The following ZP3 variants were observed in gnomAD, a reference collection of about 807,000 sequenced individuals.
ZP3 encodes zona pellucida sperm-binding protein 3.
A neutral mutation model predicts 35.6 loss-of-function variants in ZP3; 21 were observed. The ratio of observed to expected loss-of-function variants is 0.59; its 90% CI spans 0.42 to 0.85. ZP3 has a LOEUF of 0.85. Among genes scored for constraint, ZP3 ranks in the 40% least tolerant of loss-of-function variants. The pLI is 0.00. For synonymous variants in ZP3, 207 were observed against 214.5 expected, an observed-to-expected ratio of 0.96 and a Z score of 0.31; for missense variants, 437 against 536.5, an observed-to-expected ratio of 0.81 and a Z score of 1.83.
chr7:76,422,443 C>G (rs1309004436), upstream of ZP3, among the ~76,000 whole-genome samples: 1 of 151,916 alleles, frequency 6.6e-6, no homozygotes. Flanking sequence ...CTTTGGGAGG[C>G]TGAGGCAGGC....
chr7:76,405,320 T>TC (rs1563687053), intron 1 of ZP3, among the ~76,000 whole-genome samples: 28 of 52,960 alleles, frequency 5.3e-4, no homozygotes, highest in African/African-American at 1.1e-3. Context: ...TATATATGTA[T>TC]TTTTTTCTTT....
Position 76,398,307 on chromosome 7 carries a change from C to CT in ZP3, c.-67+511dup, listed in dbSNP as rs1309414426. Among the ~76,000 whole-genome samples, 446 of 132,794 alleles carry CT rather than the reference C, an allele frequency of 3.4e-3. 1 individual carries two copies. The highest frequency in any genetic ancestry group is 5.4e-3 in the Non-Finnish European group (335 of 61,750). 87.1% of individuals were successfully genotyped at this position (132,794 alleles called of 152,430 possible). A position where few individuals can be genotyped will look rare whatever the true frequency, so the allele number is the denominator to read the frequency against. On this transcript the variant is annotated intron_variant, in intron 1 of 8. Coordinates refer to the ZP3 transcript ENST00000336517. ...TCCAGTCTCACCGCCCATTCATTTT[C>CT]TATTTTTTTTTTTTTTTTTTGAGAC...
At chr7:76,404,652 C>T (rs1584032071) in intron 1 of ZP3, 8 of 641,908 alleles carry the variant, frequency 1.2e-5, no homozygotes, top group East Asian at 6.0e-5. Flanking sequence ...AAAATGAGGC[C>T]GGGTGTGGTG....
At chr7:76,405,321 T>G (rs1384087627) in intron 1 of ZP3, among the ~76,000 whole-genome samples, 6 of 43,210 alleles carry the variant, frequency 1.4e-4, no homozygotes, top group East Asian at 8.2e-4. Context: ...ATATATGTAT[T>G]TTTTTCTTTC....
rs567724230 is a variant in ZP3, at chr7:76,408,068, C to G, written c.-67+10271C>G. 1.1e-4 allele frequency among the ~76,000 whole-genome samples: 16 copies of G among 152,296 alleles called. No homozygotes were observed. In the East Asian group the frequency reaches 2.9e-3, roughly 28 times the overall value. On this transcript the variant is annotated intron_variant, in intron 1 of 8. Coordinates refer to the ZP3 transcript ENST00000336517. ...AGCATCCATTTGGCTCCCAGCCACC[C>G]TGATGGGGACTTTGTAGGAGGCGGC... is the stretch of plus-strand genomic sequence containing the variant.
intron 1 of ZP3, among the ~76,000 whole-genome samples, chr7:76,415,412 A>G (rs1341873970): frequency 7.7e-6 from 1 of 130,134 alleles, no homozygotes; most frequent in Non-Finnish European, 1.5e-5. Context: ...ACTATTAACT[A>G]TGACAACTAT....
intron 1 of ZP3, among the ~76,000 whole-genome samples, chr7:76,426,175 C>T (rs1024162002): frequency 6.6e-6 from 1 of 152,022 alleles, no homozygotes; most frequent in Non-Finnish European, 1.5e-5. Context: ...TCAGTGGGTC[C>T]CTGGGGGCAG....
chr7:76,438,686 C>T (rs1404225907), intron 5 of ZP3, among the ~76,000 whole-genome samples: 5 of 146,232 alleles, frequency 3.4e-5, no homozygotes, highest in South Asian at 2.2e-4. Flanking sequence ...GTAAACGTTT[C>T]CCAGAGGCCA....
At chr7:76,411,556 G>C (rs1166572929) in intron 1 of ZP3, among the ~76,000 whole-genome samples, 1 of 151,922 alleles carries the variant, frequency 6.6e-6, no homozygotes, top group African/African-American at 2.4e-5. Flanking sequence ...GTGACAGAGA[G>C]AGACCCTGTT....
chr7:76,426,073 A>G (rs1277841352), intron 1 of ZP3, among the ~76,000 whole-genome samples: 11 of 136,200 alleles, frequency 8.1e-5, no homozygotes, highest in Non-Finnish European at 1.6e-4. Context: ...ACAGAGCGAG[A>G]CTCTGGCTCA....
In ZP3 at chr7:76,415,364, C is replaced by CAAAAAAAAAAAAA. The variant is rs528001072; in HGVS notation, c.-66-9685_-66-9673dup. Among the ~76,000 whole-genome samples the CAAAAAAAAAAAAA allele has an allele frequency of 1.7e-3, 110 of 63,498 alleles. 23 individuals carry two copies. Among genetic ancestry groups the CAAAAAAAAAAAAA allele is most frequent in the African/African-American group, 6.9e-3 (86 of 12,378 alleles). The allele number at this position is 63,498 out of a possible 152,430, so 41.7% of individuals were successfully genotyped here. A position where few individuals can be genotyped will look rare whatever the true frequency, so the allele number is the denominator to read the frequency against. ...CTGGCGATAGAGTGAGACTCCGTCTCAAAAAAAAAAAAAAAGGTCTGGAAT... is the reference window on the plus strand; with the variant it reads ...CTGGCGATAGAGTGAGACTCCGTCTCAAAAAAAAAAAAAAAAAAAAAAAAAAAAGGTCTGGAAT... On this transcript the variant is annotated intron_variant, in intron 1 of 8. Transcript: ENST00000336517.
rs370332422 is a variant in ZP3, at chr7:76,399,061, G to A, written c.-67+1264G>A. 1.2e-4 allele frequency among the ~76,000 whole-genome samples: 18 copies of A among 152,162 alleles called. 1 individual carries two copies. The South Asian group carries it at 3.7e-3, about 32-fold the overall frequency. On this transcript the variant is annotated intron_variant, in intron 1 of 8. Coordinates refer to the ZP3 transcript ENST00000336517. The stretch of plus-strand genomic sequence containing the variant: ...GAGTCTTGCTCTGTCGCTCAGGCTG[G>A]AGTGCAATGGTGCAATCTCAGCTTG...
chr7:76,425,036 C>A lies in ZP3; in HGVS notation c.72C>A (p.Pro24=). 1 of 1,601,588 alleles carries A rather than the reference C, an allele frequency of 6.2e-7. No individual in the cohort carries two copies. The highest frequency in any genetic ancestry group is 8.5e-7 in the Non-Finnish European group (1 of 1,174,506). Residue 24 remains proline, a synonymous_variant, in exon 1 of 8, where the codon CCC becomes CCA. Coordinates refer to ENST00000394857, the MANE Select transcript of ZP3 (RefSeq NM_001110354.2). Reference sequence around the variant, plus strand: ...GTACTGAGCTGTGCTACCCCCAACCCCTCTGGCTCTTGCAGGGTGGAGCCA... The same window carrying A: ...GTACTGAGCTGTGCTACCCCCAACCACTCTGGCTCTTGCAGGGTGGAGCCA... ...WGSTELCYPQ[P]LWLLQGGASH... is the part of the protein sequence containing the mutation.
At chr7:76,406,024 C>T (rs1805017163) in intron 1 of ZP3, among the ~76,000 whole-genome samples, 2 of 151,116 alleles carry the variant, frequency 1.3e-5, no homozygotes, top group South Asian at 2.1e-4. Context: ...CTCGCTCTGT[C>T]GTCCAGGCTG....
exon 1 of ZP3, chr7:76,397,572 C>A (rs1466678035): frequency 6.2e-7 from 1 of 1,608,098 alleles, no homozygotes; most frequent in Non-Finnish European, 8.5e-7. Flanking sequence ...ACACCCCAGC[C>A]CAGGCTCTGG....
In ZP3 at chr7:76,405,274, TATATATATATA is replaced by T. The variant is rs1563686785; in HGVS notation, c.-67+7478_-67+7488del. ...GTGCATCACCACACCCAGCTAATTATATATATATATATATATATATATATATATATATATAT... is the reference window on the plus strand; with the variant it reads ...GTGCATCACCACACCCAGCTAATTATTATATATATATATATATATATATAT... On this transcript the variant is annotated intron_variant, in intron 1 of 8. Coordinates refer to the ZP3 transcript ENST00000336517. Among the ~76,000 whole-genome samples the T allele has an allele frequency of 6.9e-3, 147 of 21,246 alleles. 8 individuals carry two copies. The highest frequency in any genetic ancestry group is 0.042 in the African/African-American group (133 of 3,140). 13.9% of individuals were successfully genotyped at this position (21,246 alleles called of 152,430 possible). A position where few individuals can be genotyped will look rare whatever the true frequency, so the allele number is the denominator to read the frequency against.
chr7:76,419,441 C>T (rs1004032001), intron 1 of ZP3, among the ~76,000 whole-genome samples: 2 of 152,084 alleles, frequency 1.3e-5, no homozygotes, highest in African/African-American at 2.4e-5. Context: ...CTGTTTCCTC[C>T]GTCCGGTATC....
At position 76,405,300 on chromosome 7, in the gene ZP3, TA is replaced by T. The variant is rs1262162891; in HGVS notation, c.-67+7504del. Among the ~76,000 whole-genome samples, 267 of 56,796 alleles carry T rather than the reference TA, an allele frequency of 4.7e-3. 1 individual carries two copies. The highest frequency in any genetic ancestry group is 8.7e-3 in the African/African-American group (111 of 12,798). 37.3% of individuals were successfully genotyped at this position (56,796 alleles called of 152,430 possible). On this transcript the variant is annotated intron_variant, in intron 1 of 8. Transcript: ENST00000336517. ...ATATATATATATATATATATATATA[TA>T]TATATATATATATATGTATTTTTTT...
chr7:76,441,087 C>T (rs1806183819), intron 7 of ZP3, among the ~76,000 whole-genome samples: 1 of 150,526 alleles, frequency 6.6e-6, no homozygotes, highest in South Asian at 2.1e-4. Context: ...AGGAGAATCA[C>T]TTGAATCTGG....
Sources: gnomAD v4.1 joint callset for allele counts (sites outside exome capture counted in the v4.1 genomes callset) on GRCh38, gnomAD v4.1.1 for gene constraint, MANE v1.5 for transcripts, NCBI Gene and HGNC (gene_info 2026-07-23, HGNC 2026-07-21) for gene names.